The following SEMA6D variants were observed in gnomAD, a reference collection of about 807,000 sequenced individuals.
SEMA6D encodes the protein semaphorin-6D.
SEMA6D carries 35 observed loss-of-function variants against 106.6 expected under a neutral mutation model. The observed-to-expected ratio is 0.33, with a 90% CI of 0.25 to 0.44. The LOEUF (loss-of-function observed/expected upper bound fraction) is 0.44, where lower values mean the gene tolerates loss of function less well. Among genes scored for constraint, SEMA6D ranks in the 20% least tolerant of loss-of-function variants. SEMA6D has a pLI of 1.00. For missense variants in SEMA6D, 1,185 were observed against 1,345.9 expected, an observed-to-expected ratio of 0.88 and a Z score of 1.87; for synonymous variants, 499 against 487.7, an observed-to-expected ratio of 1.02 and a Z score of -0.31.
intron 1 of SEMA6D, among the ~76,000 whole-genome samples, chr15:47,394,225 T>C (rs1034579697): frequency 6.6e-6 from 1 of 152,150 alleles, no homozygotes; most frequent in South Asian, 2.1e-4. Flanking sequence ...ATTTGCTCTG[T>C]AATAAATGTG....
chr15:47,198,328 C>T (rs1894496418), intron 1 of SEMA6D, among the ~76,000 whole-genome samples: 1 of 152,056 alleles, frequency 6.6e-6, no homozygotes, highest in Admixed American at 6.6e-5. Context: ...TTTGTGTTCT[C>T]ACTACAAAAT....
chr15:47,718,768 G>A (rs1241900315), intron 1 of SEMA6D: 2 of 152,246 alleles, frequency 1.3e-5, no homozygotes, highest in Non-Finnish European at 2.9e-5. Context: ...ATAAGGAAGA[G>A]TCAATTTTGC....
rs1244639789 is a variant in SEMA6D, at chr15:47,771,069, G to A, written c.2506G>A (p.Asp836Asn). The A allele has an allele frequency of 7.4e-6, 12 of 1,614,124 alleles. No homozygotes were observed. The highest frequency in any genetic ancestry group is 1.0e-5 in the Non-Finnish European group (12 of 1,180,006). ...CATTGTTCTTCCAAATGCTACCCAT[G>A]ACTACAACACGTCTTTCTCAAACTC... ...SAIVLPNATHDYNTSFSNSNA... is the reference protein window; with the variant it reads ...SAIVLPNATHNYNTSFSNSNA... The change falls in exon 19 of 19, where the codon GAC (aspartate) becomes AAC (asparagine). Residue 836 changes from aspartate to asparagine, a missense_variant. Transcript: ENST00000536845.
At chr15:47,455,285 C>A (rs564362757) in intron 2 of SEMA6D, among the ~76,000 whole-genome samples, 53 of 152,028 alleles carry the variant, frequency 3.5e-4, no homozygotes, top group African/African-American at 1.2e-3. Flanking sequence ...CCTCTTTCCA[C>A]AATCCCAGCA....
chr15:47,670,412 G>A (rs1278370665), intron 4 of SEMA6D, among the ~76,000 whole-genome samples: 1 of 152,150 alleles, frequency 6.6e-6, no homozygotes, highest in Non-Finnish European at 1.5e-5. Flanking sequence ...TGATTTCATT[G>A]TGTCTGTCCT....
intron 3 of SEMA6D, among the ~76,000 whole-genome samples, chr15:47,564,996 C>A (rs1403722660): frequency 6.6e-6 from 1 of 152,152 alleles, no homozygotes; most frequent in East Asian, 1.9e-4. Context: ...AGTTCCCTTT[C>A]CCACTGAGAG....
chr15:47,212,568 T>A (rs1372398918), intron 1 of SEMA6D, among the ~76,000 whole-genome samples: 1 of 152,214 alleles, frequency 6.6e-6, no homozygotes, highest in Non-Finnish European at 1.5e-5. Flanking sequence ...ATTTCCAGCT[T>A]CTCTTAATAA....
chr15:47,384,814 G>GTTTTTTTTTTTTTTTTTTTTTTTTTT (rs1168068495), intron 1 of SEMA6D, among the ~76,000 whole-genome samples: 2 of 65,694 alleles, frequency 3.0e-5, no homozygotes, highest in African/African-American at 1.1e-4. Context: ...GATTACTAAA[G>GTTTTTTTTTTTTTTTTTTTTTTTTTT]TTTTTTTTTT....
chr15:47,322,998 C>T (rs1451280528), intron 1 of SEMA6D, among the ~76,000 whole-genome samples: 1 of 152,136 alleles, frequency 6.6e-6, no homozygotes, highest in Non-Finnish European at 1.5e-5. Flanking sequence ...ATCTACCTAC[C>T]CACCTACCTA....
At chr15:47,731,731 G>A (rs2080137686) in intron 1 of SEMA6D, among the ~76,000 whole-genome samples, 1 of 152,144 alleles carries the variant, frequency 6.6e-6, no homozygotes, top group Admixed American at 6.5e-5. Flanking sequence ...TATTCCTGCT[G>A]TCTTTAACAC....
intron 3 of SEMA6D, among the ~76,000 whole-genome samples, chr15:47,492,498 G>A (rs1049404947): frequency 6.6e-5 from 10 of 152,160 alleles, no homozygotes; most frequent in Non-Finnish European, 1.2e-4. Context: ...ACCTTAAAAT[G>A]TGTATATTTA....
intron 1 of SEMA6D, among the ~76,000 whole-genome samples, chr15:47,407,045 G>A (rs2040598107): frequency 6.6e-6 from 1 of 152,138 alleles, no homozygotes; most frequent in South Asian, 2.1e-4. Context: ...TGTAGTTTTT[G>A]TGGTGGAAAT....
intron 2 of SEMA6D, among the ~76,000 whole-genome samples, chr15:47,432,612 C>CCTATATGCATATGTATAT (rs1555438690): frequency 1.1e-4 from 17 of 151,172 alleles, no homozygotes; most frequent in Admixed American, 3.3e-4. Context: ...TACATATACA[C>CCTATATGCATATGTATAT]ACACAATTAG....
intron 4 of SEMA6D, among the ~76,000 whole-genome samples, chr15:47,656,855 A>T (rs1048893447): frequency 3.3e-5 from 5 of 152,226 alleles, no homozygotes; most frequent in Admixed American, 6.5e-5. Flanking sequence ...GCATGGTGGC[A>T]TCAGTTAGAA....
At chr15:47,356,074 C>T (rs1399369523) in intron 1 of SEMA6D, among the ~76,000 whole-genome samples, 1 of 152,116 alleles carries the variant, frequency 6.6e-6, no homozygotes, top group African/African-American at 2.4e-5. Flanking sequence ...TTTGGTTATT[C>T]CCATTTTACT....
At chr15:47,752,528 G>C (rs908544528) in intron 1 of SEMA6D, among the ~76,000 whole-genome samples, 2 of 152,148 alleles carry the variant, frequency 1.3e-5, no homozygotes, top group Non-Finnish European at 2.9e-5. Context: ...TAGCTTGAGT[G>C]GGATCAGGGC....
At chr15:47,305,479 G>T (rs1176289721) in intron 1 of SEMA6D, among the ~76,000 whole-genome samples, 1 of 152,188 alleles carries the variant, frequency 6.6e-6, no homozygotes, top group African/African-American at 2.4e-5. Context: ...GAAAAAGAGA[G>T]CAAGAAGAGC....
chr15:47,500,555 C>T (rs1460459593), intron 3 of SEMA6D, among the ~76,000 whole-genome samples: 1 of 152,118 alleles, frequency 6.6e-6, no homozygotes, highest in East Asian at 1.9e-4. Flanking sequence ...AAATACCCTA[C>T]TAGCCAGGAT....
intron 1 of SEMA6D, among the ~76,000 whole-genome samples, chr15:47,729,676 C>T (rs955698264): frequency 1.3e-5 from 2 of 152,188 alleles, no homozygotes; most frequent in Admixed American, 1.3e-4. Context: ...AAATCCAGAG[C>T]CTATATTCTG....
Sources: gnomAD v4.1 joint callset for allele counts (sites outside exome capture counted in the v4.1 genomes callset) on GRCh38, gnomAD v4.1.1 for gene constraint, MANE v1.5 for transcripts, NCBI Gene and HGNC (gene_info 2026-07-23, HGNC 2026-07-21) for gene names.